The following PDE4D variants were observed in gnomAD, a reference collection of about 807,000 sequenced individuals.
PDE4D encodes 3',5'-cyclic-AMP phosphodiesterase 4D.
A neutral mutation model predicts 87.4 loss-of-function variants in PDE4D; 24 were observed. That is an observed-to-expected ratio of 0.27 (90% CI 0.20 to 0.39). The LOEUF is 0.39. Ranked by LOEUF, PDE4D falls within the 10% of genes least tolerant of loss-of-function variation. PDE4D has a pLI of 1.00. For missense variants in PDE4D, 714 were observed against 1,041.0 expected, an observed-to-expected ratio of 0.69 and a Z score of 4.32; for synonymous variants, 384 against 383.2, an observed-to-expected ratio of 1.00 and a Z score of -0.02.
chr5:59,049,917 G>A (rs1761279003), intron 5 of PDE4D, among the ~76,000 whole-genome samples: 1 of 152,046 alleles, frequency 6.6e-6, no homozygotes, highest in African/African-American at 2.4e-5. Context: ...AGATACCTAA[G>A]GGTTAAGAAG....
chr5:58,982,734 T>C (rs1314641787), intron 11 of PDE4D, among the ~76,000 whole-genome samples: 2 of 152,154 alleles, frequency 1.3e-5, no homozygotes, highest in African/African-American at 4.8e-5. Context: ...TGGAAGTCCA[T>C]GTTTCTAAGC....
chr5:59,190,669 T>C (rs546218456), intron 3 of PDE4D, among the ~76,000 whole-genome samples: 19 of 152,258 alleles, frequency 1.2e-4, no homozygotes, highest in Non-Finnish European at 8.8e-5. Flanking sequence ...CTTTACTTTG[T>C]ATTAAAGAAA....
chr5:60,290,316 G>T (rs1752782397), intron 1 of PDE4D, among the ~76,000 whole-genome samples: 1 of 152,084 alleles, frequency 6.6e-6, no homozygotes, highest in Admixed American at 6.6e-5. Context: ...AATGGAGATT[G>T]ATTTACATTC....
At chr5:59,975,946 G>A (rs926795921) in intron 3 of PDE4D, among the ~76,000 whole-genome samples, 8 of 152,124 alleles carry the variant, frequency 5.3e-5, no homozygotes, top group Non-Finnish European at 1.2e-4. Context: ...TTTGTCTGCA[G>A]TCATATTTGT....
chr5:59,308,630 G>A (rs1771903326), intron 1 of PDE4D, among the ~76,000 whole-genome samples: 1 of 151,254 alleles, frequency 6.6e-6, no homozygotes, highest in Admixed American at 6.6e-5. Flanking sequence ...TCCTTTATAG[G>A]TTACCAGTGC....
At chr5:59,610,850 T>TA (rs1364163002) in intron 1 of PDE4D, among the ~76,000 whole-genome samples, 1 of 151,978 alleles carries the variant, frequency 6.6e-6, no homozygotes, top group Non-Finnish European at 1.5e-5. Context: ...TCAAAATAGG[T>TA]AAAACTTGAT....
chr5:59,755,727 ACTATTAAC>A (rs1352292517), intron 1 of PDE4D, among the ~76,000 whole-genome samples: 1 of 152,130 alleles, frequency 6.6e-6, no homozygotes. Context: ...TAAAACAAAT[ACTATTAAC>A]CTAAAGAAGG....
chr5:58,992,874 C>T (rs1246756952), intron 7 of PDE4D, among the ~76,000 whole-genome samples: 3 of 152,106 alleles, frequency 2.0e-5, no homozygotes, highest in South Asian at 2.1e-4. Context: ...GGATGAGGTA[C>T]AAGAGTTGTC....
intron 1 of PDE4D, among the ~76,000 whole-genome samples, chr5:59,379,532 A>C (rs578068432): frequency 6.6e-6 from 1 of 152,038 alleles, no homozygotes; most frequent in Admixed American, 6.6e-5. Flanking sequence ...TTGAGATTTG[A>C]TGTACATAAT....
At chr5:59,604,706 C>A (rs149389756) in intron 1 of PDE4D, among the ~76,000 whole-genome samples, 1 of 151,862 alleles carries the variant, frequency 6.6e-6, no homozygotes, top group Non-Finnish European at 1.5e-5. Context: ...AATCAAACTA[C>A]AATGAGGTAT....
At chr5:59,238,062 T>C (rs1756868480) in intron 1 of PDE4D, among the ~76,000 whole-genome samples, 1 of 152,134 alleles carries the variant, frequency 6.6e-6, no homozygotes, top group East Asian at 1.9e-4. Context: ...ACACAGGGTC[T>C]AGGCAGCCCT....
chr5:59,515,802 C>T (rs182894851), intron 1 of PDE4D, among the ~76,000 whole-genome samples: 31 of 152,168 alleles, frequency 2.0e-4, no homozygotes, highest in South Asian at 6.2e-4. Flanking sequence ...TAGAGGGATA[C>T]GCCACAATTA....
intron 1 of PDE4D, among the ~76,000 whole-genome samples, chr5:59,851,514 C>T (rs1744659629): frequency 6.6e-6 from 1 of 151,980 alleles, no homozygotes; most frequent in Non-Finnish European, 1.5e-5. Context: ...GTAATTTCCA[C>T]TTCTGAAGTG....
intron 1 of PDE4D, among the ~76,000 whole-genome samples, chr5:59,321,205 G>A (rs972398025): frequency 6.6e-6 from 1 of 151,972 alleles, no homozygotes; most frequent in Non-Finnish European, 1.5e-5. Context: ...CACCCTGAGG[G>A]CTTTTCTCCA....
chr5:60,014,474 C>T (rs1379999995), intron 2 of PDE4D, among the ~76,000 whole-genome samples: 1 of 152,142 alleles, frequency 6.6e-6, no homozygotes, highest in African/African-American at 2.4e-5. Flanking sequence ...TCAAGTACTG[C>T]TAGTACAATG....
In PDE4D at chr5:60,300,767, C is replaced by CT. The variant is rs373443025; in HGVS notation, c.-89-115081dup. Among the ~76,000 whole-genome samples the CT allele has an allele frequency of 6.0e-3, 880 of 145,724 alleles. 3 individuals carry two copies. Among genetic ancestry groups the CT allele is most frequent in the African/African-American group, 0.014 (544 of 39,972 alleles). On this transcript the variant is annotated intron_variant, in intron 1 of 16. Coordinates refer to the PDE4D transcript ENST00000502484. ...TCTTCCATTGGGCTATGTATCTGTT[C>CT]TTTTTTTTTTTCTTTTTCTTTTTGA...
chr5:59,330,120 T>C (rs1581992495), intron 1 of PDE4D, among the ~76,000 whole-genome samples: 1 of 152,302 alleles, frequency 6.6e-6, no homozygotes, highest in Non-Finnish European at 1.5e-5. Flanking sequence ...AATTAATGAA[T>C]GATATAAACA....
chr5:60,246,487 C>T (rs1443403484), intron 1 of PDE4D, among the ~76,000 whole-genome samples: 1 of 151,748 alleles, frequency 6.6e-6, no homozygotes, highest in African/African-American at 2.4e-5. Flanking sequence ...CTATCATTTT[C>T]TTTTCAGTGC....
chr5:59,429,760 A>G (rs147380909), intron 1 of PDE4D, among the ~76,000 whole-genome samples: 8 of 152,256 alleles, frequency 5.3e-5, no homozygotes, highest in African/African-American at 1.4e-4. Context: ...TACTACATAA[A>G]AAGGGTGGGT....
Sources: gnomAD v4.1 joint callset for allele counts (sites outside exome capture counted in the v4.1 genomes callset) on GRCh38, gnomAD v4.1.1 for gene constraint, MANE v1.5 for transcripts, NCBI Gene and HGNC (gene_info 2026-07-23, HGNC 2026-07-21) for gene names.